The following SCN2B variants were observed in gnomAD, a reference collection of about 807,000 sequenced individuals.
The protein encoded by SCN2B is sodium channel regulatory subunit beta-2.
SCN2B carries 14 observed loss-of-function variants against 18.2 expected under a neutral mutation model. The observed-to-expected ratio is 0.77, with a 90% CI of 0.51 to 1.21. SCN2B has a LOEUF of 1.21. Ranked by LOEUF, SCN2B falls within the 50% of genes most tolerant of loss-of-function variation. The pLI, the probability that SCN2B is intolerant of heterozygous loss-of-function variation, is 0.00. For missense variants in SCN2B, 262 were observed against 286.9 expected (o/e 0.91, Z 0.63); for synonymous variants, 115 against 115.3 (o/e 1.00, Z 0.02).
chr11:118,164,057 G>C lies in SCN2B; in HGVS notation c.*2830C>G, dbSNP rs1948355918. 1 of 152,142 alleles carries C rather than the reference G, an allele frequency of 6.6e-6. No homozygotes were observed. The highest frequency in any genetic ancestry group is 2.1e-4 in the South Asian group (1 of 4,828). 9.4% of individuals were successfully genotyped at this position (152,142 alleles called of 1,614,324 possible). On this transcript the variant is annotated 3_prime_UTR_variant, in exon 4 of 4. Transcript: ENST00000278947. ...GCCCTGAGGCCCGTGAAGAGACATTGCTTTTCCTGGGCCCCAGTTGATCAG... is the reference window on the plus strand; with the variant it reads ...GCCCTGAGGCCCGTGAAGAGACATTCCTTTTCCTGGGCCCCAGTTGATCAG...
In SCN2B at chr11:118,168,081, T is replaced by C; in HGVS notation, c.448+4A>G. On this transcript the variant is annotated splice_donor_region_variant and intron_variant, in intron 3 of 3. Transcript: ENST00000278947. The surrounding 1 kb of genome is among the most constrained non-coding windows in gnomAD (Gnocchi z 4.7). ...GGCCCCGCAGCTGGCACCCCAGCCT[T>C]CACCTTCCATGAGGACCTGCAGATG... The C allele has an allele frequency of 6.2e-7, 1 of 1,613,114 alleles. No individual in the cohort carries two copies. Among genetic ancestry groups the C allele is most frequent in the Non-Finnish European group, 8.5e-7 (1 of 1,179,472 alleles).
At chr11:118,172,424 G>C (rs1417819310) in intron 1 of SCN2B, among the ~76,000 whole-genome samples, 1 of 152,252 alleles carries the variant, frequency 6.6e-6, no homozygotes, top group Non-Finnish European at 1.5e-5. Context: ...TCCAGACTGG[G>C]TTGAGGCATT....
chr11:118,173,812 T>G (rs1443139856), intron 1 of SCN2B, among the ~76,000 whole-genome samples: 1 of 152,178 alleles, frequency 6.6e-6, no homozygotes, highest in East Asian at 1.9e-4. Flanking sequence ...TAAAGTCTAC[T>G]AAAGGAAGAA....
At chr11:118,171,975 A>G (rs1948434524) in intron 1 of SCN2B, among the ~76,000 whole-genome samples, 1 of 152,120 alleles carries the variant, frequency 6.6e-6, no homozygotes, top group African/African-American at 2.4e-5. Context: ...GGCCAGAATC[A>G]TGGTTCCTAG....
In SCN2B at chr11:118,168,826, A is replaced by G. The variant is rs966528308; in HGVS notation, c.71-75T>C. 86 of 1,547,476 alleles carry G rather than the reference A, an allele frequency of 5.6e-5. No homozygotes were observed. Among genetic ancestry groups the G allele is most frequent in the Non-Finnish European group, 7.5e-5 (84 of 1,121,744 alleles). Reference sequence around the variant, plus strand: ...GAGGGGCAAGCCCTCTGTGCCTGGGAGTGTTGGGGGATGAGGCAGAGCAGA... The same window carrying G: ...GAGGGGCAAGCCCTCTGTGCCTGGGGGTGTTGGGGGATGAGGCAGAGCAGA... On this transcript the variant is annotated intron_variant, in intron 1 of 3. Coordinates refer to ENST00000278947, the MANE Select transcript of SCN2B (RefSeq NM_004588.5). The surrounding 1 kb of genome is among the most constrained non-coding windows in gnomAD (Gnocchi z 4.7).
chr11:118,175,291 T>C (rs1336157862), intron 1 of SCN2B, among the ~76,000 whole-genome samples: 1 of 152,186 alleles, frequency 6.6e-6, no homozygotes, highest in Non-Finnish European at 1.5e-5. Context: ...ATGACAAAGG[T>C]GGCTTGAAAC....
rs1948347213 is a variant in SCN2B, at chr11:118,163,198, C to T, written c.*3689G>A. 1 of 152,546 alleles carries T rather than the reference C, an allele frequency of 6.6e-6. No homozygotes were observed. Among genetic ancestry groups the T allele is most frequent in the Non-Finnish European group, 1.5e-5 (1 of 68,044 alleles). The allele number at this position is 152,546 out of a possible 1,614,324, so 9.4% of individuals were successfully genotyped here. ...GAGAGAGAGACTATGTACAGTGCAT[C>T]AGCAAGCTTCAATAAAGGAAGACGC... On this transcript the variant is annotated 3_prime_UTR_variant, in exon 4 of 4. Transcript: ENST00000278947.
chr11:118,174,091 C>CTTTTGTTTTTTTTTTTTTTTTTTTTTTTT lies in SCN2B; in HGVS notation c.70+2270_70+2271insAAAAAAAAAAAAAAAAAAAAAAAACAAAA, dbSNP rs1555101438. On this transcript the variant is annotated intron_variant, in intron 1 of 3. Coordinates refer to ENST00000278947, the MANE Select transcript of SCN2B (RefSeq NM_004588.5). ...ACCATGCCTGGCTTATTTTTCTTTT[C>CTTTTGTTTTTTTTTTTTTTTTTTTTTTTT]TTTTTTTTTTTTTTTTTTTTTTTTT... 2.7e-4 allele frequency among the ~76,000 whole-genome samples: 18 copies of CTTTTGTTTTTTTTTTTTTTTTTTTTTTTT among 66,666 alleles called. 2 individuals carry two copies. The highest frequency in any genetic ancestry group is 1.5e-3 in the East Asian group (3 of 2,022). 43.7% of individuals were successfully genotyped at this position (66,666 alleles called of 152,430 possible).
In SCN2B at chr11:118,163,106, CAG is replaced by C. The variant is rs1948345465; in HGVS notation, c.*3779_*3780del. 6.6e-6 allele frequency: 1 copy of C among 152,638 alleles called. No individual in the cohort carries two copies. The highest frequency in any genetic ancestry group is 2.4e-5 in the African/African-American group (1 of 41,442). The allele number at this position is 152,638 out of a possible 1,614,324, so 9.5% of individuals were successfully genotyped here. A position where few individuals can be genotyped will look rare whatever the true frequency, so the allele number is the denominator to read the frequency against. On this transcript the variant is annotated 3_prime_UTR_variant, in exon 4 of 4. Transcript: ENST00000278947. ...GTTATTACACCTCCCCACACACACA[CAG>C]TGTAACTTTTGGGGTGGGTGTGGTG...
Position 118,166,344 on chromosome 11 carries a change from CAGTCATCCCTTTAACATGCCCCTCCA to C in SCN2B, c.*517_*542del. 5.6e-6 allele frequency: 1 copy of C among 178,334 alleles called. No individual in the cohort carries two copies. Among genetic ancestry groups the C allele is most frequent in the East Asian group, 1.5e-4 (1 of 6,518 alleles). The allele number at this position is 178,334 out of a possible 1,614,324, so 11.0% of individuals were successfully genotyped here. A position where few individuals can be genotyped will look rare whatever the true frequency, so the allele number is the denominator to read the frequency against. ...CTTTCCGTCAGTGCCCTGGAATGCA[CAGTCATCCCTTTAACATGCCCCTCCA>C]AGTTTCAGGAACTCATCGTCACCTC... On this transcript the variant is annotated 3_prime_UTR_variant, in exon 4 of 4. Coordinates refer to ENST00000278947, the MANE Select transcript of SCN2B (RefSeq NM_004588.5).
intron 1 of SCN2B, among the ~76,000 whole-genome samples, chr11:118,175,696 T>C (rs1489895857): frequency 2.0e-5 from 3 of 152,194 alleles, no homozygotes; most frequent in Admixed American, 2.0e-4. Context: ...TCGCTCAGCC[T>C]GTGGGTTCCA....
intron 1 of SCN2B, among the ~76,000 whole-genome samples, chr11:118,175,952 C>T (rs1451002929): frequency 6.6e-6 from 1 of 152,156 alleles, no homozygotes; most frequent in East Asian, 1.9e-4. Flanking sequence ...ACCCTAAATC[C>T]ACCAGGATCA....
At position 118,168,553 on chromosome 11, in the gene SCN2B, T is replaced by TCCCCTG. The variant is rs1948404971; in HGVS notation, c.237+26_237+31dup. 9.3e-6 allele frequency: 15 copies of TCCCCTG among 1,613,708 alleles called. No homozygotes were observed. The highest frequency in any genetic ancestry group is 1.2e-5 in the Non-Finnish European group (14 of 1,179,720). ...TTCATGCCATGGGGCTCCTACCTCC[T>TCCCCTG]CCCCTGCCCCTGCCTTCAGCCCAGG... On this transcript the variant is annotated intron_variant, in intron 2 of 3. Coordinates refer to ENST00000278947, the MANE Select transcript of SCN2B (RefSeq NM_004588.5). This position sits in a 1 kb window ranked among gnomAD's most constrained non-coding sequence, Gnocchi z 4.7.
rs57973101 is a variant in SCN2B at position 118,167,164 on chromosome 11, G to A, written c.449-78C>T. On this transcript the variant is annotated intron_variant, in intron 3 of 3. Coordinates refer to ENST00000278947, the MANE Select transcript of SCN2B (RefSeq NM_004588.5). ...CATCACCCCACTACCCGTGGCATGC[G>A]TGGAACCATCCTGACTTTACTCTCC... The A allele has an allele frequency of 1.6e-3, 2,284 of 1,448,106 alleles. 13 individuals are homozygous for A. In the East Asian group the frequency reaches 0.022, roughly 14 times the overall value. The allele number at this position is 1,448,106 out of a possible 1,614,324, so 89.7% of individuals were successfully genotyped here. A position where few individuals can be genotyped will look rare whatever the true frequency, so the allele number is the denominator to read the frequency against.
At chr11:118,170,368 A>G (rs1948421030) in intron 1 of SCN2B, among the ~76,000 whole-genome samples, 1 of 152,190 alleles carries the variant, frequency 6.6e-6, no homozygotes, top group South Asian at 2.1e-4. Flanking sequence ...TCGAGTTCCC[A>G]GGCAAGTGTA....
rs193055015 is a variant in SCN2B, at chr11:118,168,326, G to A, written c.238-31C>T. Reference sequence around the variant, plus strand: ...GTTGGAGCAAGGGACAGGATGGGTGGCTGGATGAGCAAGGAACTACAAGGA... The same window carrying A: ...GTTGGAGCAAGGGACAGGATGGGTGACTGGATGAGCAAGGAACTACAAGGA... On this transcript the variant is annotated intron_variant, in intron 2 of 3. Transcript: ENST00000278947. The surrounding 1 kb of genome is among the most constrained non-coding windows in gnomAD (Gnocchi z 4.7). 3.2e-5 allele frequency: 51 copies of A among 1,584,514 alleles called. No homozygotes were observed. The East Asian group carries it at 1.0e-3, about 31-fold the overall frequency.
intron 1 of SCN2B, among the ~76,000 whole-genome samples, chr11:118,175,831 C>T (rs1214684171): frequency 1.3e-5 from 2 of 152,178 alleles, no homozygotes; most frequent in African/African-American, 4.8e-5. Flanking sequence ...TCCCCAAGCC[C>T]GCTTCCCACC....
At chr11:118,173,042 C>T (rs988203450) in intron 1 of SCN2B, among the ~76,000 whole-genome samples, 10 of 152,090 alleles carry the variant, frequency 6.6e-5, no homozygotes, top group Non-Finnish European at 1.5e-4. Context: ...TCCCCAACCC[C>T]GGCCACTCCA....
intron 1 of SCN2B, among the ~76,000 whole-genome samples, chr11:118,174,817 G>T (rs770289927): frequency 6.6e-6 from 1 of 152,070 alleles, no homozygotes; most frequent in Non-Finnish European, 1.5e-5. Flanking sequence ...TCTCCTGCAC[G>T]AAGTGCTTCC....
Sources: gnomAD v4.1 joint callset for allele counts (sites outside exome capture counted in the v4.1 genomes callset) on GRCh38, gnomAD v4.1.1 for gene constraint, Gnocchi (gnomAD v3.1) non-coding constraint, MANE v1.5 for transcripts, NCBI Gene and HGNC (gene_info 2026-07-23, HGNC 2026-07-21) for gene names.